The following TG variants were observed in gnomAD, a reference collection of about 807,000 sequenced individuals.
The protein encoded by TG is thyroid hormones.
TG carries 270 observed loss-of-function variants against 324.7 expected under a neutral mutation model. The observed-to-expected ratio is 0.83, with a 90% CI of 0.75 to 0.92. TG has a LOEUF of 0.92. Among genes scored for constraint, TG ranks in the 40% least tolerant of loss-of-function variants. TG has a pLI of 0.00. For missense variants in TG, 3,591 were observed against 3,456.4 expected (o/e 1.04, Z -0.98); for synonymous variants, 1,401 against 1,327.0 (o/e 1.06, Z -1.21).
At chr8:132,880,060 G>A (rs916182761) in intron 5 of TG, among the ~76,000 whole-genome samples, 43 of 152,326 alleles carry the variant, frequency 2.8e-4, no homozygotes, top group African/African-American at 9.9e-4. Context: ...GAAGAGCGAG[G>A]TGCTGGGCAT....
At chr8:133,069,697 A>G (rs917410604) in intron 41 of TG, among the ~76,000 whole-genome samples, 2 of 152,136 alleles carry the variant, frequency 1.3e-5, no homozygotes, top group African/African-American at 4.8e-5. Context: ...ATAAAAGGGA[A>G]CAGTTAGAAA....
intron 3 of TG, among the ~76,000 whole-genome samples, chr8:132,871,083 C>A (rs1839439577): frequency 6.6e-6 from 1 of 152,202 alleles, no homozygotes; most frequent in South Asian, 2.1e-4. Flanking sequence ...GCCAGGCCTG[C>A]ACTCTGATCC....
chr8:133,006,295 G>C (rs566636813), intron 35 of TG, among the ~76,000 whole-genome samples: 6 of 152,304 alleles, frequency 3.9e-5, no homozygotes, highest in Admixed American at 2.6e-4. Context: ...ATATCTTAGA[G>C]ACCACAGTCA....
In TG at chr8:133,047,827, C is replaced by T. The variant is rs968951879; in HGVS notation, c.7239+17804C>T. 6.5e-6 allele frequency: 10 copies of T among 1,531,276 alleles called. No individual in the cohort carries two copies. The East Asian group carries it at 2.2e-4, about 34-fold the overall frequency. 94.9% of individuals were successfully genotyped at this position (1,531,276 alleles called of 1,614,324 possible). On this transcript the variant is annotated intron_variant, in intron 41 of 47. Transcript: ENST00000220616. The stretch of plus-strand genomic sequence containing the variant: ...GGGGAAAGATGAGTTGGGGGCCACT[C>T]ACCTTTCTTGGTCTCACTCTCTCTG...
At chr8:133,027,213 A>G (rs1836177678) in intron 40 of TG, among the ~76,000 whole-genome samples, 1 of 152,214 alleles carries the variant, frequency 6.6e-6, no homozygotes, top group Non-Finnish European at 1.5e-5. Flanking sequence ...ACAAGAGCCA[A>G]TTCAACAATG....
intron 16 of TG, 47 bp from the exon 17 acceptor site, chr8:132,906,641 C>G (rs1479010388): frequency 6.2e-7 from 1 of 1,608,710 alleles, no homozygotes; most frequent in Admixed American, 1.7e-5. Context: ...CTCAGTCGTC[C>G]CGAGGCTGGG....
At chr8:133,001,315 G>A (rs1012557763) in intron 35 of TG, among the ~76,000 whole-genome samples, 1 of 152,168 alleles carries the variant, frequency 6.6e-6, no homozygotes. Flanking sequence ...GCTCACTGAA[G>A]AGCTCAACAG....
In TG at chr8:133,029,927, C is replaced by T; in HGVS notation, c.7143C>T (p.Ser2381=). 2 of 1,614,172 alleles carry T rather than the reference C, an allele frequency of 1.2e-6. No homozygotes were observed. The highest frequency in any genetic ancestry group is 1.7e-6 in the Non-Finnish European group (2 of 1,180,016). Residue 2381 remains serine (S), a synonymous_variant, in exon 41 of 48, where the codon TCC becomes TCT. Coordinates refer to ENST00000220616, the MANE Select transcript of TG (RefSeq NM_003235.5). ...RGFGGDPRRV[S]LAADRGGADV... Reference sequence around the variant, plus strand: ...TTGGCGGGGACCCTCGGCGCGTGTCCCTGGCAGCAGACCGTGGCGGGGCTG... The same window carrying T: ...TTGGCGGGGACCCTCGGCGCGTGTCTCTGGCAGCAGACCGTGGCGGGGCTG...
intron 5 of TG, among the ~76,000 whole-genome samples, chr8:132,877,029 T>C (rs1240749352): frequency 6.6e-6 from 1 of 152,246 alleles, no homozygotes; most frequent in African/African-American, 2.4e-5. Context: ...GAAGGTACTG[T>C]ATGGAGAAAT....
At chr8:133,107,798 T>C (rs1032539508) in intron 43 of TG, among the ~76,000 whole-genome samples, 1 of 152,224 alleles carries the variant, frequency 6.6e-6, no homozygotes, top group Middle Eastern at 3.4e-3. Flanking sequence ...CTGGGCCTCA[T>C]CCCTCCAGCT....
chr8:132,917,023 A>T (rs117248462), intron 20 of TG, among the ~76,000 whole-genome samples: 1 of 69,810 alleles, frequency 1.4e-5, no homozygotes, highest in African/African-American at 5.7e-5. Flanking sequence ...TCCTCCCTCC[A>T]TGCCTCCCTC....
In TG at chr8:132,886,742, C is replaced by T. The variant is rs767097110; in HGVS notation, c.1370C>T (p.Ala457Val). The T allele has an allele frequency of 5.6e-6, 9 of 1,614,212 alleles. No homozygotes were observed. Among genetic ancestry groups the T allele is most frequent in the Middle Eastern group, 1.6e-4 (1 of 6,062 alleles). Residue 457 changes from alanine to valine, a missense_variant, in exon 9 of 48, where the codon GCC becomes GTC. Coordinates refer to ENST00000220616, the MANE Select transcript of TG (RefSeq NM_003235.5). ...CCCTCCCGAGGGCTGGCTCGTCTTG[C>T]CCTTCAGTTTACCACCAACCCAAAG... is the stretch of plus-strand genomic sequence containing the variant. ...IFPSRGLARL[A>V]LQFTTNPKRL...
At chr8:133,026,149 G>A (rs1836051302) in intron 40 of TG, among the ~76,000 whole-genome samples, 1 of 152,210 alleles carries the variant, frequency 6.6e-6, no homozygotes, top group South Asian at 2.1e-4. Flanking sequence ...AGCAGTGGCA[G>A]CCCTGTCACT....
chr8:132,948,178 G>A (rs1306038331), intron 26 of TG, among the ~76,000 whole-genome samples: 2 of 102,108 alleles, frequency 2.0e-5, no homozygotes, highest in Admixed American at 1.1e-4. Context: ...TTCTTACTCC[G>A]TCCCCCCCCA....
At chr8:133,064,686 G>A (rs546069881) in intron 41 of TG, among the ~76,000 whole-genome samples, 110 of 152,326 alleles carry the variant, frequency 7.2e-4, no homozygotes, top group African/African-American at 2.2e-3. Context: ...GGGATATGCC[G>A]GCCAGCAGCC....
intron 35 of TG, among the ~76,000 whole-genome samples, chr8:133,009,073 A>G (rs1032049419): frequency 6.6e-6 from 1 of 152,204 alleles, no homozygotes; most frequent in African/African-American, 2.4e-5. Context: ...TGGAATGGTG[A>G]CAGATGAACT....
intron 8 of TG, among the ~76,000 whole-genome samples, chr8:132,885,426 GTAT>G (rs1182819221): frequency 6.6e-6 from 1 of 151,560 alleles, no homozygotes; most frequent in Non-Finnish European, 1.5e-5. Flanking sequence ...ATTATAGGAA[GTAT>G]TATATTTCCT....
intron 45 of TG, among the ~76,000 whole-genome samples, chr8:133,121,101 T>C (rs1251256576): frequency 1.3e-5 from 2 of 152,144 alleles, no homozygotes; most frequent in Non-Finnish European, 2.9e-5. Context: ...GCTCCGTGGC[T>C]CTCTGCACCT....
At chr8:132,971,650 A>G in intron 32 of TG, 144 bp from the exon 33 acceptor site, 1 of 695,204 alleles carries the variant, frequency 1.4e-6, no homozygotes, top group Middle Eastern at 3.4e-4. Flanking sequence ...ACTCATGCAT[A>G]TTGACCAAAG....
Sources: allele counts gnomAD v4.1 joint callset (sites outside exome capture counted in the v4.1 genomes callset), GRCh38; gene constraint gnomAD v4.1.1; transcripts MANE v1.5; gene names NCBI Gene and HGNC (gene_info 2026-07-23, HGNC 2026-07-21).